SULF2: variants seen among roughly 807,000 people sequenced by gnomAD.
SULF2 encodes the protein extracellular sulfatase Sulf-2.
SULF2 carries 52 observed loss-of-function variants against 107.7 expected under a neutral mutation model. The ratio of observed to expected loss-of-function variants is 0.48; its 90% CI spans 0.39 to 0.61. The LOEUF is 0.61. Among genes scored for constraint, SULF2 ranks in the 20% least tolerant of loss-of-function variants. The pLI, the probability that SULF2 is intolerant of heterozygous loss-of-function variation, is 0.00. For missense variants in SULF2, 993 were observed against 1,177.3 expected (o/e 0.84, Z 2.29); for synonymous variants, 460 against 464.3 (o/e 0.99, Z 0.12).
intron 15 of SULF2, 64 bp downstream of exon 15, chr20:47,664,066 A>C: frequency 6.5e-7 from 1 of 1,549,598 alleles, no homozygotes; most frequent in Non-Finnish European, 8.9e-7. Context: ...TTTTAGCTTA[A>C]GGGAGGGCCA....
intron 2 of SULF2, among the ~76,000 whole-genome samples, chr20:47,745,404 AAAAAAAATATATATATATAT>A (rs2090000298): frequency 4.4e-5 from 1 of 22,908 alleles, no homozygotes; most frequent in Non-Finnish European, 6.7e-5. Context: ...AAAAAAAAAA[AAAAAAAATATATATATATAT>A]ATATATATAT....
chr20:47,715,093 AT>A (rs869126418), intron 3 of SULF2, among the ~76,000 whole-genome samples: 34,544 of 128,540 alleles, frequency 0.27, 3,928 homozygotes, highest in Middle Eastern at 0.31. Flanking sequence ...TAACTTTTGT[AT>A]TTTTTTTTTT....
rs138665758 is a variant in SULF2 at position 47,723,045 on chromosome 20, C to T, written c.415+13658G>A. On this transcript the variant is annotated intron_variant, in intron 3 of 20. Transcript: ENST00000688720. ...TCGTGGCACAGCACTCCAGGCTGGG[C>T]GACAGAGCAAGACTCCGTCTCAAAA... 2.0e-4 allele frequency among the ~76,000 whole-genome samples: 30 copies of T among 151,520 alleles called. No homozygotes were observed. The East Asian group carries it at 5.6e-3, about 28-fold the overall frequency.
At chr20:47,695,357 A>C (rs1182581666) in intron 4 of SULF2, among the ~76,000 whole-genome samples, 1 of 152,226 alleles carries the variant, frequency 6.6e-6, no homozygotes, top group African/African-American at 2.4e-5. Flanking sequence ...GTTAACTCTA[A>C]GCACCATGTT....
chr20:47,661,467 T>C, intron 18 of SULF2: 1 of 216,890 alleles, frequency 4.6e-6, no homozygotes, highest in Non-Finnish European at 9.7e-6. Context: ...GTCAACATGG[T>C]TTCAGGTGTA....
intron 2 of SULF2, among the ~76,000 whole-genome samples, chr20:47,742,630 ATTTG>A (rs1452781055): frequency 1.3e-5 from 2 of 152,104 alleles, no homozygotes; most frequent in African/African-American, 4.8e-5. Flanking sequence ...CTGTGCTATG[ATTTG>A]TTTGATATTT....
In SULF2 at chr20:47,694,991, T is replaced by A. The variant is rs997546651; in HGVS notation, c.568-4696A>T. On this transcript the variant is annotated intron_variant, in intron 4 of 20. Coordinates refer to ENST00000688720, the MANE Select transcript of SULF2 (RefSeq NM_001387048.1). The surrounding 1 kb of genome is among the most constrained non-coding windows in gnomAD (Gnocchi z 4.4). ...GAGCCAAGGCCTTTGTATTTTTGGGTCAGGTCCATCTTTTTCTCCCCGCCA... is the reference window on the plus strand; with the variant it reads ...GAGCCAAGGCCTTTGTATTTTTGGGACAGGTCCATCTTTTTCTCCCCGCCA... Among the ~76,000 whole-genome samples, 4 of 152,252 alleles carry A rather than the reference T, an allele frequency of 2.6e-5. No individual in the cohort carries two copies. The highest frequency in any genetic ancestry group is 1.9e-4 in the East Asian group (1 of 5,184).
intron 3 of SULF2, among the ~76,000 whole-genome samples, chr20:47,728,819 T>C (rs1167854914): frequency 6.6e-6 from 1 of 152,102 alleles, no homozygotes; most frequent in South Asian, 2.1e-4. Flanking sequence ...CTAATTTTTG[T>C]ATTTTTAGTA....
chr20:47,784,856 C>G (rs1024142110), intron 1 of SULF2, among the ~76,000 whole-genome samples: 2 of 152,208 alleles, frequency 1.3e-5, no homozygotes, highest in Non-Finnish European at 2.9e-5. Flanking sequence ...TCCTGTTTGT[C>G]CTTTCGGTGT....
At chr20:47,663,741 C>T (rs1357602862) in intron 15 of SULF2, 119 bp from the exon 16 acceptor site, 14 of 1,189,884 alleles carry the variant, frequency 1.2e-5, no homozygotes, top group Non-Finnish European at 1.4e-5. Context: ...GAGCCATGGG[C>T]ATAGCAATTC....
Position 47,677,058 on chromosome 20 carries a change from T to A in SULF2, c.1250+20A>T. On this transcript the variant is annotated intron_variant, in intron 9 of 20. Transcript: ENST00000688720. ...GGAGGGAGGTGGGCAGGGGTGTCCC[T>A]CCCAGGACCCGGCACTCACCCTCTC... 1 of 1,613,062 alleles carries A rather than the reference T, an allele frequency of 6.2e-7. No individual in the cohort carries two copies. The highest frequency in any genetic ancestry group is 8.5e-7 in the Non-Finnish European group (1 of 1,179,706).
chr20:47,675,492 G>A (rs2087611493), intron 10 of SULF2, among the ~76,000 whole-genome samples: 1 of 152,220 alleles, frequency 6.6e-6, no homozygotes, highest in South Asian at 2.1e-4. Flanking sequence ...AGTCAGGCCT[G>A]TATGGGCCTG....
rs1413037672 is a variant in SULF2 at position 47,694,316 on chromosome 20, C to A, written c.568-4021G>T. Among the ~76,000 whole-genome samples the A allele has an allele frequency of 6.6e-6, 1 of 152,164 alleles. No individual in the cohort carries two copies. Among genetic ancestry groups the A allele is most frequent in the Non-Finnish European group, 1.5e-5 (1 of 68,020 alleles). ...GGGGTGCGGGAGGGGCGGGTGACCC[C>A]CACCCCTGTTGGTCTCTGGTTTGGG... On this transcript the variant is annotated intron_variant, in intron 4 of 20. Coordinates refer to ENST00000688720, the MANE Select transcript of SULF2 (RefSeq NM_001387048.1). The surrounding 1 kb of genome is among the most constrained non-coding windows in gnomAD (Gnocchi z 4.4).
In SULF2 at chr20:47,703,533, G is replaced by A. The variant is rs373217217; in HGVS notation, c.416-863C>T. Among the ~76,000 whole-genome samples, 16 of 152,306 alleles carry A rather than the reference G, an allele frequency of 1.1e-4. 1 individual carries two copies. The highest frequency in any genetic ancestry group is 1.0e-3 in the South Asian group (5 of 4,826). On this transcript the variant is annotated intron_variant, in intron 3 of 20. Transcript: ENST00000688720. Reference sequence around the variant, plus strand: ...CAACACCTAGTATGGGTGGGGATGTGGGACAACTTGAGCCCTCACACACTG... The same window carrying A: ...CAACACCTAGTATGGGTGGGGATGTAGGACAACTTGAGCCCTCACACACTG...
intron 2 of SULF2, among the ~76,000 whole-genome samples, chr20:47,741,286 G>A (rs955952243): frequency 6.7e-6 from 1 of 150,170 alleles, no homozygotes; most frequent in Non-Finnish European, 1.5e-5. Context: ...CAGCCACAGG[G>A]TCCCCTGCTC....
chr20:47,698,190 G>A (rs904397244), intron 4 of SULF2, among the ~76,000 whole-genome samples: 1 of 152,250 alleles, frequency 6.6e-6, no homozygotes, highest in Non-Finnish European at 1.5e-5. Flanking sequence ...GTGGGACAGA[G>A]TGTTTTTTGG....
chr20:47,664,628 T>C (rs561488692), intron 14 of SULF2, among the ~76,000 whole-genome samples: 1 of 152,332 alleles, frequency 6.6e-6, no homozygotes, highest in Admixed American at 6.5e-5. Context: ...TTTGCAACAC[T>C]TTCTGGAAAG....
chr20:47,717,091 C>T (rs1175253949), intron 3 of SULF2, among the ~76,000 whole-genome samples: 1 of 152,106 alleles, frequency 6.6e-6, no homozygotes, highest in Non-Finnish European at 1.5e-5. Flanking sequence ...ATGCTATGTA[C>T]CTGCTAGAAA....
chr20:47,778,606 G>A (rs73317846), intron 1 of SULF2, among the ~76,000 whole-genome samples: 5,224 of 151,374 alleles, frequency 0.035, 315 homozygotes, highest in African/African-American at 0.12. Context: ...AGAAGGCATC[G>A]TGCTGCCTAC....
Sources: gnomAD v4.1 joint callset for allele counts (sites outside exome capture counted in the v4.1 genomes callset) on GRCh38, gnomAD v4.1.1 for gene constraint, Gnocchi (gnomAD v3.1) non-coding constraint, MANE v1.5 for transcripts, NCBI Gene and HGNC (gene_info 2026-07-23, HGNC 2026-07-21) for gene names.